The following PPM1L variants were observed in gnomAD, a reference collection of about 807,000 sequenced individuals.
PPM1L encodes the protein protein phosphatase, Mg2+/Mn2+ dependent 1L, also known as protein phosphatase 1L.
Under a neutral mutation model 31.4 loss-of-function variants are expected in PPM1L, and 13 were observed. The observed-to-expected ratio is 0.41, with a 90% CI of 0.27 to 0.66. The LOEUF (loss-of-function observed/expected upper bound fraction) is 0.66, where lower values mean the gene tolerates loss of function less well. PPM1L is among the 30% of genes least tolerant of loss of function. The pLI, the probability that PPM1L is intolerant of heterozygous loss-of-function variation, is 0.29. For missense variants in PPM1L, 326 were observed against 453.7 expected (o/e 0.72, Z 2.56); for synonymous variants, 184 against 175.4 (o/e 1.05, Z -0.39).
intron 2 of PPM1L, among the ~76,000 whole-genome samples, chr3:161,062,441 A>C (rs1719600144): frequency 6.6e-6 from 1 of 152,178 alleles, no homozygotes. Context: ...TCTCTACAAA[A>C]TAAAAAATAA....
intron 1 of PPM1L, among the ~76,000 whole-genome samples, chr3:160,848,715 C>G (rs1296354049): frequency 1.3e-5 from 2 of 152,144 alleles, no homozygotes; most frequent in Non-Finnish European, 1.5e-5. Flanking sequence ...GCAGCTGCCT[C>G]CTTGGCATTG....
At chr3:160,981,732 T>TTTTTTTTATTTA (rs772049978) in intron 2 of PPM1L, among the ~76,000 whole-genome samples, 1 of 139,854 alleles carries the variant, frequency 7.2e-6, no homozygotes. Context: ...TTCCTTCTCA[T>TTTTTTTTATTTA]TTTATTTATT....
intron 1 of PPM1L, among the ~76,000 whole-genome samples, chr3:160,806,968 GAGAA>G (rs564813862): frequency 3.0e-4 from 46 of 152,044 alleles, no homozygotes; most frequent in South Asian, 4.2e-4. Flanking sequence ...AGGAAAGAAA[GAGAA>G]AGAAAGAAAA....
intron 1 of PPM1L, among the ~76,000 whole-genome samples, chr3:160,947,181 G>A (rs1000921803): frequency 5.3e-5 from 8 of 152,032 alleles, no homozygotes; most frequent in Non-Finnish European, 1.2e-4. Flanking sequence ...AAAGAAATTC[G>A]GAAACTAATT....
intron 2 of PPM1L, among the ~76,000 whole-genome samples, chr3:161,046,127 A>AAG (rs1351545816): frequency 6.7e-6 from 1 of 149,972 alleles, no homozygotes; most frequent in African/African-American, 2.5e-5. Context: ...AAAAAAAAAA[A>AAG]AAAAAAATCA....
At chr3:160,851,621 G>T (rs1240602613) in intron 1 of PPM1L, among the ~76,000 whole-genome samples, 1 of 152,220 alleles carries the variant, frequency 6.6e-6, no homozygotes, top group Non-Finnish European at 1.5e-5. Context: ...CATCTAACAT[G>T]AAGCTTTGAC....
In PPM1L at chr3:161,002,220, C is replaced by A. The variant is rs191763155; in HGVS notation, c.574+40310C>A. On this transcript the variant is annotated intron_variant, in intron 2 of 3. Coordinates refer to ENST00000498165, the MANE Select transcript of PPM1L (RefSeq NM_139245.4). ...CCATGGTGTATATGTGCCACATTTT[C>A]TTAATCCAGTCTATCATTGTTGGAC... Among the ~76,000 whole-genome samples the A allele has an allele frequency of 9.0e-3, 1,373 of 152,268 alleles. 12 individuals are homozygous for A. The highest frequency in any genetic ancestry group is 0.015 in the Non-Finnish European group (1,019 of 68,014).
chr3:160,825,672 T>C (rs980175862), intron 1 of PPM1L, among the ~76,000 whole-genome samples: 11 of 152,152 alleles, frequency 7.2e-5, no homozygotes, highest in African/African-American at 2.2e-4. Flanking sequence ...CAATAGAATA[T>C]GACAAGATAA....
intron 1 of PPM1L, among the ~76,000 whole-genome samples, chr3:160,868,521 C>G (rs1376701872): frequency 6.6e-6 from 1 of 152,140 alleles, no homozygotes; most frequent in African/African-American, 2.4e-5. Flanking sequence ...TCTGGGCCAC[C>G]AAAGCAGGGC....
chr3:161,049,608 T>A (rs917762606), intron 2 of PPM1L, among the ~76,000 whole-genome samples: 64 of 152,336 alleles, frequency 4.2e-4, no homozygotes, highest in African/African-American at 1.4e-3. Context: ...GAGCTTCTTA[T>A]TCCATATCTG....
Position 160,933,368 on chromosome 3 carries a change from G to C in PPM1L, c.400-28368G>C, listed in dbSNP as rs189758508. On this transcript the variant is annotated intron_variant, in intron 1 of 3. Transcript: ENST00000498165. ...ACTGTTCACAAAATTAAGCCCAATA[G>C]AAAACAAGGCAATTAAAAATGAAAT... Among the ~76,000 whole-genome samples, 169 of 152,016 alleles carry C rather than the reference G, an allele frequency of 1.1e-3. 1 individual carries two copies. Among genetic ancestry groups the C allele is most frequent in the African/African-American group, 4.0e-3 (164 of 41,460 alleles).
Position 160,813,182 on chromosome 3 carries a change from A to G in PPM1L, c.399+56475A>G, listed in dbSNP as rs555081035. Among the ~76,000 whole-genome samples the G allele has an allele frequency of 1.7e-4, 26 of 152,326 alleles. No homozygotes were observed. In the South Asian group the frequency reaches 4.6e-3, roughly 27 times the overall value. On this transcript the variant is annotated intron_variant, in intron 1 of 3. Transcript: ENST00000498165. ...TTTATGTTATTTCTATTTTATTACA[A>G]TTAGAAAATTCAATTTTACATCCCC...
At chr3:160,836,808 T>C (rs1418890783) in intron 1 of PPM1L, among the ~76,000 whole-genome samples, 2 of 152,234 alleles carry the variant, frequency 1.3e-5, no homozygotes, top group African/African-American at 2.4e-5. Context: ...GTTTTTGACC[T>C]GTTGGTGAAT....
At chr3:160,804,492 A>G (rs1712537621) in intron 1 of PPM1L, among the ~76,000 whole-genome samples, 1 of 152,204 alleles carries the variant, frequency 6.6e-6, no homozygotes, top group African/African-American at 2.4e-5. Context: ...AACCTGAAGA[A>G]AAAAATCAAG....
chr3:161,061,541 C>T (rs1010056467), intron 2 of PPM1L, among the ~76,000 whole-genome samples: 1 of 152,030 alleles, frequency 6.6e-6, no homozygotes, highest in Non-Finnish European at 1.5e-5. Context: ...ATTCAACCAA[C>T]CACAGATCAA....
intron 1 of PPM1L, among the ~76,000 whole-genome samples, chr3:160,929,772 C>G (rs915632595): frequency 6.6e-6 from 1 of 152,234 alleles, no homozygotes; most frequent in Non-Finnish European, 1.5e-5. Context: ...CCAGCTCTCT[C>G]CCCCTTGTGG....
At chr3:160,954,948 CTTCCTTCCTTCCTTTCCT>C (rs1715715267) in intron 1 of PPM1L, among the ~76,000 whole-genome samples, 1 of 55,166 alleles carries the variant, frequency 1.8e-5, no homozygotes, top group African/African-American at 6.8e-5. Context: ...TCCTTCCTTC[CTTCCTTCCTTCCTTTCCT>C]TTCCTTTCCT....
intron 1 of PPM1L, among the ~76,000 whole-genome samples, chr3:160,906,733 G>A (rs1713777183): frequency 6.6e-6 from 1 of 152,168 alleles, no homozygotes; most frequent in Non-Finnish European, 1.5e-5. Flanking sequence ...AGGTTTGATG[G>A]GGTGGATTCA....
chr3:160,818,337 C>A (rs1307282308), intron 1 of PPM1L, among the ~76,000 whole-genome samples: 1 of 151,982 alleles, frequency 6.6e-6, no homozygotes, highest in Non-Finnish European at 1.5e-5. Flanking sequence ...AAATTAGCAC[C>A]TTACTCAGAT....
Sources: gnomAD v4.1 joint callset for allele counts (sites outside exome capture counted in the v4.1 genomes callset) on GRCh38, gnomAD v4.1.1 for gene constraint, MANE v1.5 for transcripts, NCBI Gene and HGNC (gene_info 2026-07-23, HGNC 2026-07-21) for gene names.